ATP2B1: variants seen among roughly 807,000 people sequenced by gnomAD.
ATP2B1 encodes ATPase plasma membrane Ca2+ transporting 1, also known as plasma membrane calcium-transporting ATPase 1.
Under a neutral mutation model 124.2 loss-of-function variants are expected in ATP2B1, and 14 were observed. The ratio of observed to expected loss-of-function variants is 0.11; its 90% CI spans 0.07 to 0.18. The LOEUF is 0.18. Among genes scored for constraint, ATP2B1 ranks in the 10% least tolerant of loss-of-function variants. The pLI is 1.00. For missense variants in ATP2B1, 763 were observed against 1,466.1 expected (o/e 0.52, Z 7.83); for synonymous variants, 449 against 492.4 (o/e 0.91, Z 1.17).
At chr12:89,676,915 C>G (rs1033875035) in intron 1 of ATP2B1, among the ~76,000 whole-genome samples, 1 of 152,080 alleles carries the variant, frequency 6.6e-6, no homozygotes, top group Non-Finnish European at 1.5e-5. Flanking sequence ...CTTTTCTACA[C>G]GGTGGCAAAT....
intron 20 of ATP2B1, 68 bp downstream of exon 20, chr12:89,599,049 G>C: frequency 3.3e-6 from 5 of 1,537,200 alleles, no homozygotes; most frequent in Non-Finnish European, 4.4e-6. Context: ...GAGCACACTC[G>C]AACCTCCTCC....
chr12:89,705,952 T>C lies in ATP2B1; in HGVS notation c.-222+2644A>G, dbSNP rs191362938. Among the ~76,000 whole-genome samples, 27 of 152,324 alleles carry C rather than the reference T, an allele frequency of 1.8e-4. No homozygotes were observed. In the East Asian group the frequency reaches 2.7e-3, roughly 15 times the overall value. Reference sequence around the variant, plus strand: ...ATTTTGCGGTTTGTAAGTAAGACTATATGTAATAATATCCACATCTTAATT... The same window carrying C: ...ATTTTGCGGTTTGTAAGTAAGACTACATGTAATAATATCCACATCTTAATT... On this transcript the variant is annotated intron_variant, in intron 1 of 20. Transcript: ENST00000428670.
intron 1 of ATP2B1, among the ~76,000 whole-genome samples, chr12:89,683,995 T>A (rs915069906): frequency 6.6e-6 from 1 of 152,068 alleles, no homozygotes; most frequent in East Asian, 1.9e-4. Context: ...ACCATACAGC[T>A]GTAAAAAAGA....
At chr12:89,687,934 A>G (rs942689789) in intron 1 of ATP2B1, among the ~76,000 whole-genome samples, 10 of 152,078 alleles carry the variant, frequency 6.6e-5, no homozygotes, top group African/African-American at 1.9e-4. Context: ...CAATTTAGTT[A>G]TATGTAGAAT....
intron 1 of ATP2B1, among the ~76,000 whole-genome samples, chr12:89,673,940 T>C (rs779211898): frequency 6.6e-6 from 1 of 152,054 alleles, no homozygotes; most frequent in African/African-American, 2.4e-5. Flanking sequence ...TCAAGTTGGG[T>C]TTTTCTAGCT....
chr12:89,667,427 C>T (rs1178394494), intron 1 of ATP2B1, among the ~76,000 whole-genome samples: 1 of 152,234 alleles, frequency 6.6e-6, no homozygotes, highest in East Asian at 1.9e-4. Context: ...TATCCACAGG[C>T]CTCTTGGCAA....
chr12:89,616,766 G>T, intron 12 of ATP2B1, 36 bp downstream of exon 12: 1 of 1,560,428 alleles, frequency 6.4e-7, no homozygotes, highest in African/African-American at 1.4e-5. Flanking sequence ...ATAGTTATGA[G>T]ATTCTGCACA....
chr12:89,622,608 C>CA (rs1880171775), intron 9 of ATP2B1, among the ~76,000 whole-genome samples: 1 of 151,812 alleles, frequency 6.6e-6, no homozygotes, highest in Non-Finnish European at 1.5e-5. Context: ...CAAGATACTG[C>CA]AAAAAAACTG....
At chr12:89,628,478 A>G (rs1047369137) in intron 6 of ATP2B1, among the ~76,000 whole-genome samples, 1 of 151,758 alleles carries the variant, frequency 6.6e-6, no homozygotes, top group African/African-American at 2.4e-5. Context: ...TGAGGACAAA[A>G]TATGTACAAA....
chr12:89,611,987 C>T (rs1438795002), intron 12 of ATP2B1: 1 of 152,064 alleles, frequency 6.6e-6, no homozygotes. Flanking sequence ...CTAAGAGTCA[C>T]CTGTACCTCT....
intron 1 of ATP2B1, among the ~76,000 whole-genome samples, chr12:89,667,821 T>C (rs1400682714): frequency 6.6e-6 from 1 of 152,210 alleles, no homozygotes; most frequent in Admixed American, 6.5e-5. Flanking sequence ...CTGAAAGCAA[T>C]CTACAGATTC....
intron 1 of ATP2B1, among the ~76,000 whole-genome samples, chr12:89,665,981 C>T (rs1252614656): frequency 6.6e-6 from 1 of 152,210 alleles, no homozygotes; most frequent in Non-Finnish European, 1.5e-5. Context: ...AGATTTATTA[C>T]AGTTCTTCAC....
chr12:89,630,502 T>C lies in ATP2B1; in HGVS notation c.928+3A>G, dbSNP rs757609382. Reference sequence around the variant, plus strand: ...ACCAATTATAGAAAATTGTTATTCTTACTTTTCTTTTCCTTTTTCTTCTCA... The same window carrying C: ...ACCAATTATAGAAAATTGTTATTCTCACTTTTCTTTTCCTTTTTCTTCTCA... On this transcript the variant is annotated splice_donor_region_variant and intron_variant, in intron 6 of 20. Coordinates refer to ENST00000428670, the MANE Select transcript of ATP2B1 (RefSeq NM_001366521.1). The C allele has an allele frequency of 1.3e-6, 2 of 1,564,196 alleles. No individual in the cohort carries two copies. The highest frequency in any genetic ancestry group is 2.4e-5 in the South Asian group (2 of 82,962).
intron 2 of ATP2B1, among the ~76,000 whole-genome samples, chr12:89,650,803 A>G (rs188667099): frequency 2.6e-4 from 40 of 152,334 alleles, no homozygotes; most frequent in Non-Finnish European, 4.6e-4. Flanking sequence ...ATAGGACCAC[A>G]ATGAGATGAA....
chr12:89,613,546 A>G (rs1878419808), intron 12 of ATP2B1, among the ~76,000 whole-genome samples: 1 of 152,224 alleles, frequency 6.6e-6, no homozygotes, highest in Admixed American at 6.5e-5. Flanking sequence ...AAAAAAATCA[A>G]TATTTGACAC....
In ATP2B1 at chr12:89,626,635, G is replaced by A. The variant is rs989747887; in HGVS notation, c.968-20C>T. ...CTTTTGCTACATTTAAGAGCAAATA[G>A]AACTTCACTATACTTTAAAGGCACA... On this transcript the variant is annotated intron_variant, in intron 7 of 20. Coordinates refer to ENST00000428670, the MANE Select transcript of ATP2B1 (RefSeq NM_001366521.1). 1 of 1,573,938 alleles carries A rather than the reference G, an allele frequency of 6.4e-7. No individual in the cohort carries two copies. The highest frequency in any genetic ancestry group is 8.6e-7 in the Non-Finnish European group (1 of 1,167,494).
chr12:89,648,506 T>A (rs896298492), intron 2 of ATP2B1, among the ~76,000 whole-genome samples: 5 of 152,190 alleles, frequency 3.3e-5, no homozygotes, highest in Non-Finnish European at 7.3e-5. Context: ...AGAACAGGCA[T>A]GGCTGATTCA....
At chr12:89,651,803 C>T (rs533273681) in intron 2 of ATP2B1, among the ~76,000 whole-genome samples, 14 of 152,270 alleles carry the variant, frequency 9.2e-5, no homozygotes, top group South Asian at 2.1e-4. Context: ...CAGAATAAGA[C>T]TGGAGCCAGA....
chr12:89,613,887 T>C (rs554092383), intron 12 of ATP2B1, among the ~76,000 whole-genome samples: 11 of 152,342 alleles, frequency 7.2e-5, no homozygotes, highest in Admixed American at 2.6e-4. Flanking sequence ...ACTGGATTTG[T>C]TCTAGACATC....
Sources: gnomAD v4.1 joint callset for allele counts (sites outside exome capture counted in the v4.1 genomes callset) on GRCh38, gnomAD v4.1.1 for gene constraint, MANE v1.5 for transcripts, NCBI Gene and HGNC (gene_info 2026-07-23, HGNC 2026-07-21) for gene names.